SASH1: variants seen among roughly 807,000 people sequenced by gnomAD.
The protein encoded by SASH1 is SAM and SH3 domain-containing protein 1.
A neutral mutation model predicts 125.2 loss-of-function variants in SASH1; 44 were observed. The observed-to-expected ratio is 0.35, with a 90% CI of 0.28 to 0.45. SASH1 has a LOEUF of 0.45. Ranked by LOEUF, SASH1 falls within the 20% of genes least tolerant of loss-of-function variation. The pLI is 1.00. For synonymous variants in SASH1, 639 were observed against 649.1 expected (o/e 0.98, Z 0.24); for missense variants, 1,426 against 1,614.5 (o/e 0.88, Z 2.00).
chr6:148,340,737 A>G (rs922578566), upstream of SASH1, among the ~76,000 whole-genome samples: 14 of 152,226 alleles, frequency 9.2e-5, no homozygotes, highest in Admixed American at 2.6e-4. Flanking sequence ...AAAGCACAAG[A>G]CCTGGCTGTA....
chr6:148,412,360 A>G (rs1316076630), intron 2 of SASH1, among the ~76,000 whole-genome samples: 2 of 152,204 alleles, frequency 1.3e-5, no homozygotes, highest in East Asian at 1.9e-4. Context: ...TTGAGAGAAT[A>G]ATTATTTAAT....
intron 15 of SASH1, 81 bp from the exon 16 acceptor site, chr6:148,534,670 G>T (rs1484024167): frequency 7.5e-7 from 1 of 1,330,210 alleles, no homozygotes; most frequent in South Asian, 1.2e-5. Flanking sequence ...AACAGTGTGT[G>T]GGTTGCAGGC....
Sources: gnomAD v4.1 joint callset for allele counts (sites outside exome capture counted in the v4.1 genomes callset) on GRCh38, gnomAD v4.1.1 for gene constraint, MANE v1.5 for transcripts, NCBI Gene and HGNC (gene_info 2026-07-23, HGNC 2026-07-21) for gene names.